The following FMO3 variants were observed in gnomAD, a reference collection of about 807,000 sequenced individuals.
FMO3 encodes the protein flavin-containing monooxygenase 3.
A neutral mutation model predicts 39.4 loss-of-function variants in FMO3; 40 were observed. The observed-to-expected ratio is 1.02, with a 90% confidence interval of 0.79 to 1.32. FMO3 has a LOEUF of 1.32. Among genes scored for constraint, FMO3 ranks in the 40% most tolerant of loss-of-function variants. The pLI, the probability that FMO3 is intolerant of heterozygous loss-of-function variation, is 0.00. For synonymous variants in FMO3, 219 were observed against 228.8 expected (o/e 0.96, Z 0.39); for missense variants, 680 against 651.8 (o/e 1.04, Z -0.47).
chr1:171,103,946 G>T lies in FMO3; in HGVS notation c.294G>T (p.Lys98Asn), dbSNP rs762036859. 1.2e-6 allele frequency: 2 copies of T among 1,613,512 alleles called. No individual in the cohort carries two copies. The highest frequency in any genetic ancestry group is 2.2e-5 in the South Asian group (2 of 91,050). ...QEYIIAFAKE[K>N]NLLKYIQFKT... ...ATATCATTGCATTTGCCAAAGAAAA[G>T]AACCTCCTGAAGTACATACAATTTA... The change falls in exon 3 of 9, where the codon AAG (lysine) becomes AAT (asparagine). Residue 98 changes from lysine (K) to asparagine (N), a missense_variant. Physicochemically the swap from Lys to Asn is moderately conservative, Grantham distance 94 (BLOSUM62 0). Coordinates refer to ENST00000367755, the MANE Select transcript of FMO3 (RefSeq NM_001002294.3).
At chr1:171,105,895 G>A (rs922194997) in intron 3 of FMO3, among the ~76,000 whole-genome samples, 10 of 151,938 alleles carry the variant, frequency 6.6e-5, no homozygotes, top group Non-Finnish European at 1.0e-4. Context: ...CAAAACATAC[G>A]CAAACATTAT....
At chr1:171,096,731 T>TATATATAATTAATATAATTATATTAAAA (rs1395315679) in intron 2 of FMO3, among the ~76,000 whole-genome samples, 45 of 127,282 alleles carry the variant, frequency 3.5e-4, no homozygotes, top group East Asian at 1.5e-3. Flanking sequence ...ATATTAAAAA[T>TATATATAATTAATATAATTATATTAAAA]ATATATAATT....
chr1:171,107,829 C>A lies in FMO3; in HGVS notation c.476C>A (p.Ser159Tyr). Residue 159 changes from serine to tyrosine, a missense_variant, in exon 4 of 9, where the codon TCC becomes TAC. By Grantham distance (144) the Ser-to-Tyr change is moderately radical. Coordinates refer to ENST00000367755, the MANE Select transcript of FMO3 (RefSeq NM_001002294.3). ...GTGTATCCCAACCTACCAAAAGAGTCCTTTCCAGGTAAGGCCAAAATTTAA... is the reference window on the plus strand; with the variant it reads ...GTGTATCCCAACCTACCAAAAGAGTACTTTCCAGGTAAGGCCAAAATTTAA... ...HHVYPNLPKE[S>Y]FPGLNHFKGK... 6.2e-7 allele frequency: 1 copy of A among 1,613,894 alleles called. No individual in the cohort carries two copies. Among genetic ancestry groups the A allele is most frequent in the Non-Finnish European group, 8.5e-7 (1 of 1,179,862 alleles).
At chr1:171,108,534 G>A (rs28363552) in intron 5 of FMO3, among the ~76,000 whole-genome samples, 2,979 of 152,126 alleles carry the variant, frequency 0.02, 40 homozygotes, top group Middle Eastern at 0.051. Context: ...TCTTAGACTC[G>A]GGCAAGTCCT....
chr1:171,093,690 T>TG (rs1334421651), intron 2 of FMO3, among the ~76,000 whole-genome samples: 1 of 152,080 alleles, frequency 6.6e-6, no homozygotes, highest in African/African-American at 2.4e-5. Context: ...TCTTTTCCTT[T>TG]GGATAGATAT....
Position 171,107,714 on chromosome 1 carries a change from A to G in FMO3, c.361A>G (p.Thr121Ala). ...SSVNKHPDFA[T>A]TGQWDVTTER... The stretch of plus-strand genomic sequence containing the variant: ...TGTAAATAAACATCCTGATTTTGCA[A>G]CTACTGGCCAGTGGGATGTTACCAC... Residue 121 changes from threonine to alanine, a missense_variant, in exon 4 of 9, where the codon ACT becomes GCT. Physicochemically the swap from Thr to Ala is moderately conservative, Grantham distance 58 (BLOSUM62 0). Transcript: ENST00000367755. The G allele has an allele frequency of 2.5e-6, 4 of 1,613,288 alleles. No homozygotes were observed. The highest frequency in any genetic ancestry group is 3.4e-6 in the Non-Finnish European group (4 of 1,179,342).
At chr1:171,111,526 C>G (rs970261542) in intron 6 of FMO3, among the ~76,000 whole-genome samples, 1 of 152,092 alleles carries the variant, frequency 6.6e-6, no homozygotes, top group African/African-American at 2.4e-5. Flanking sequence ...TTAAGCACAT[C>G]AGGAGAACGT....
chr1:171,109,184 G>A (rs1471379326), intron 5 of FMO3, among the ~76,000 whole-genome samples: 3 of 152,106 alleles, frequency 2.0e-5, no homozygotes, highest in Non-Finnish European at 4.4e-5. Flanking sequence ...TTGTCTTCTT[G>A]AAAGTCATTG....
chr1:171,116,787 T>C (rs2101924878), intron 8 of FMO3, among the ~76,000 whole-genome samples: 1 of 152,354 alleles, frequency 6.6e-6, no homozygotes, highest in Non-Finnish European at 1.5e-5. Context: ...AAGGGTCATT[T>C]GAGCAAGAGG....
intron 2 of FMO3, among the ~76,000 whole-genome samples, chr1:171,096,711 T>G (rs897590878): frequency 7.2e-6 from 1 of 139,154 alleles, no homozygotes; most frequent in African/African-American, 2.6e-5. Flanking sequence ...ATATAAAAAT[T>G]AATATAATTA....
chr1:171,094,075 G>A lies in FMO3; in HGVS notation c.132+1285G>A, dbSNP rs905881570. Among the ~76,000 whole-genome samples the A allele has an allele frequency of 4.0e-5, 6 of 151,560 alleles. No individual in the cohort carries two copies. In the East Asian group the frequency reaches 9.7e-4, roughly 24 times the overall value. ...AACTCCTCAGCTCAGGTGATCTGCC[G>A]GCCTCGGACTCCCAAAGTGCTGGGA... On this transcript the variant is annotated intron_variant, in intron 2 of 8. Transcript: ENST00000367755.
rs1270775688 is a variant in FMO3, at chr1:171,108,152, TG to T, written c.559del (p.Val187SerfsTer25). ...KEPGVFNGKRVLVVGLGNSGC... is the reference protein window; with the variant it reads ...KEPGVFNGKRXLVVGLGNSGC... ...AACCAGGTGTATTCAATGGAAAGCG[TG>T]TCCTGGTGGTTGGCCTGGGGAATTC... On this transcript the variant is annotated frameshift_variant, in exon 5 of 9. Transcript: ENST00000367755. LOFTEE classifies it high-confidence loss of function. The T allele has an allele frequency of 1.2e-6, 2 of 1,613,976 alleles. No homozygotes were observed. Among genetic ancestry groups the T allele is most frequent in the East Asian group, 4.5e-5 (2 of 44,864 alleles).
chr1:171,109,375 C>A (rs891312975), intron 5 of FMO3, among the ~76,000 whole-genome samples: 1 of 151,878 alleles, frequency 6.6e-6, no homozygotes, highest in Non-Finnish European at 1.5e-5. Context: ...AAAGGTAAAT[C>A]ATTATTTCAG....
At chr1:171,109,972 G>A (rs1655835037) in intron 5 of FMO3, among the ~76,000 whole-genome samples, 1 of 152,128 alleles carries the variant, frequency 6.6e-6, no homozygotes, top group Admixed American at 6.6e-5. Flanking sequence ...ATAACAGAAG[G>A]GGAAGGAAAG....
In FMO3 at chr1:171,114,300, C is replaced by T; in HGVS notation, c.1121C>T (p.Ser374Phe). ...ATAGCAGTGATTGGCTTTGTCCAGT[C>T]CCTTGGGGCTGCCATTCCCACAGTT... ...STIAVIGFVQSLGAAIPTVDL... is the reference protein window; with the variant it reads ...STIAVIGFVQFLGAAIPTVDL... Residue 374 changes from serine (S) to phenylalanine (F), a missense_variant, in exon 7 of 9, where the codon TCC (serine) becomes TTC (phenylalanine). By Grantham distance (155) the Ser-to-Phe change is radical (BLOSUM62 -2). Transcript: ENST00000367755. 2 of 1,613,938 alleles carry T rather than the reference C, an allele frequency of 1.2e-6. No individual in the cohort carries two copies. Among genetic ancestry groups the T allele is most frequent in the East Asian group, 2.2e-5 (1 of 44,872 alleles).
chr1:171,108,839 T>C (rs1655770178), intron 5 of FMO3, among the ~76,000 whole-genome samples: 1 of 152,124 alleles, frequency 6.6e-6, no homozygotes. Context: ...ATTCAGGCAC[T>C]AAATGCTATG....
chr1:171,096,342 T>G (rs1341011386), intron 2 of FMO3, among the ~76,000 whole-genome samples: 1 of 92,656 alleles, frequency 1.1e-5, no homozygotes, highest in East Asian at 3.3e-4. Flanking sequence ...AATATATAAA[T>G]ATATATAAAT....
rs767184565 is a variant in FMO3 at position 171,101,080 on chromosome 1, AG to A, written c.133-2703del. ...ATGCTCTATCTTTGATGATGGCCAGAGGAGCCATGAGTGAAGGCGTACAAGA... is the reference window on the plus strand; with the variant it reads ...ATGCTCTATCTTTGATGATGGCCAGAGAGCCATGAGTGAAGGCGTACAAGA... On this transcript the variant is annotated intron_variant, in intron 2 of 8. Transcript: ENST00000367755. 8.1e-5 allele frequency: 37 copies of A among 456,160 alleles called. 2 individuals are homozygous for A. Among genetic ancestry groups the A allele is most frequent in the South Asian group, 5.6e-4 (36 of 64,550 alleles). The allele number at this position is 456,160 out of a possible 1,614,324, so 28.3% of individuals were successfully genotyped here.
intron 3 of FMO3, among the ~76,000 whole-genome samples, chr1:171,106,118 A>C (rs1048330108): frequency 6.6e-6 from 1 of 151,984 alleles, no homozygotes; most frequent in Admixed American, 6.6e-5. Context: ...CATTTTTTTC[A>C]GTTTTTAATG....
Sources: gnomAD v4.1 joint callset for allele counts (sites outside exome capture counted in the v4.1 genomes callset) on GRCh38, gnomAD v4.1.1 for gene constraint, MANE v1.5 for transcripts, NCBI Gene and HGNC (gene_info 2026-07-23, HGNC 2026-07-21) for gene names.